The following NUDT21 variants were observed in gnomAD, a reference collection of about 807,000 sequenced individuals.
The protein encoded by NUDT21 is cleavage and polyadenylation specificity factor subunit 5.
A neutral mutation model predicts 29.8 loss-of-function variants in NUDT21; 5 were observed. The ratio of observed to expected loss-of-function variants is 0.17; its 90% confidence interval spans 0.09 to 0.35. NUDT21 has a LOEUF of 0.35. Ranked by LOEUF, NUDT21 falls within the 10% of genes least tolerant of loss-of-function variation. NUDT21 has a pLI of 1.00. For synonymous variants in NUDT21, 113 were observed against 98.5 expected, an observed-to-expected ratio of 1.15 and a Z score of -0.87; for missense variants, 76 against 276.0, an observed-to-expected ratio of 0.28 and a Z score of 5.13.
chr16:56,431,534 A>G lies in NUDT21; in HGVS notation c.*1178T>C, dbSNP rs1430559531. 2 of 152,188 alleles carry G rather than the reference A, an allele frequency of 1.3e-5. No homozygotes were observed. The highest frequency in any genetic ancestry group is 2.9e-5 in the Non-Finnish European group (2 of 68,028). 9.4% of individuals were successfully genotyped at this position (152,188 alleles called of 1,614,324 possible). A position where few individuals can be genotyped will look rare whatever the true frequency, so the allele number is the denominator to read the frequency against. Reference sequence around the variant, plus strand: ...CTGGCACCATACTAATCAAAAGTTCATTTCTATTAAAAACCCTTTTTTCCT... The same window carrying G: ...CTGGCACCATACTAATCAAAAGTTCGTTTCTATTAAAAACCCTTTTTTCCT... On this transcript the variant is annotated 3_prime_UTR_variant, in exon 7 of 7. Coordinates refer to ENST00000300291, the MANE Select transcript of NUDT21 (RefSeq NM_007006.3).
At chr16:56,447,371 G>T (rs1352912051) in intron 2 of NUDT21, among the ~76,000 whole-genome samples, 1 of 152,146 alleles carries the variant, frequency 6.6e-6, no homozygotes, top group Non-Finnish European at 1.5e-5. Context: ...AATAGTTACG[G>T]ATCAAATGTT....
chr16:56,438,141 T>G (rs894817510), intron 4 of NUDT21, among the ~76,000 whole-genome samples: 5 of 152,200 alleles, frequency 3.3e-5, no homozygotes, highest in Non-Finnish European at 4.4e-5. Context: ...GTCCCTCCTA[T>G]AGCGTACCAG....
intron 1 of NUDT21, chr16:56,449,380 T>C (rs1962253083): frequency 6.6e-6 from 1 of 152,210 alleles, no homozygotes; most frequent in Non-Finnish European, 1.5e-5. Flanking sequence ...ATATCCAGTA[T>C]TGTGCACAGT....
intron 1 of NUDT21, among the ~76,000 whole-genome samples, 159 bp downstream of exon 1, chr16:56,450,928 A>T (rs1308132868): frequency 1.3e-5 from 2 of 152,206 alleles, no homozygotes; most frequent in African/African-American, 2.4e-5. Context: ...GGAGGATGAG[A>T]AAGGGGCCTG....
At chr16:56,448,529 C>T (rs1240924937) in intron 1 of NUDT21, among the ~76,000 whole-genome samples, 2 of 152,174 alleles carry the variant, frequency 1.3e-5, no homozygotes, top group African/African-American at 2.4e-5. Context: ...AGCAACTCTT[C>T]TACTTTCTCT....
intron 4 of NUDT21, among the ~76,000 whole-genome samples, chr16:56,437,689 G>C (rs1962118680): frequency 6.6e-6 from 1 of 152,038 alleles, no homozygotes; most frequent in Non-Finnish European, 1.5e-5. Flanking sequence ...GGTGTAAAAA[G>C]ATCAATAACA....
chr16:56,433,655 C>T lies in NUDT21; in HGVS notation c.662+676G>A, dbSNP rs550364336. ...TATAGTAAGTTTCAAAAAAGGAAAA[C>T]GAATATATTACACCAAGATATTCGA... On this transcript the variant is annotated intron_variant, in intron 6 of 6. Transcript: ENST00000300291. 9.2e-5 allele frequency among the ~76,000 whole-genome samples: 14 copies of T among 152,134 alleles called. 1 individual carries two copies. Among genetic ancestry groups the T allele is most frequent in the Non-Finnish European group, 2.1e-4 (14 of 68,022 alleles).
intron 1 of NUDT21, chr16:56,449,233 A>G (rs1962251010): frequency 6.6e-6 from 1 of 152,210 alleles, no homozygotes; most frequent in Admixed American, 6.5e-5. Flanking sequence ...GCTCCAATAT[A>G]TCAGTAAGGA....
chr16:56,446,742 CAAAT>C (rs1962223886), intron 2 of NUDT21, 53 bp from the exon 3 acceptor site: 1 of 1,054,902 alleles, frequency 9.5e-7, no homozygotes, highest in Non-Finnish European at 1.4e-6. Context: ...TTGGAGATAA[CAAAT>C]AACACAATAA....
chr16:56,444,375 G>A (rs1402373441), intron 3 of NUDT21, among the ~76,000 whole-genome samples: 2 of 152,062 alleles, frequency 1.3e-5, no homozygotes, highest in African/African-American at 4.8e-5. Context: ...CCTGAGGTCA[G>A]GAGTTCGAGA....
At chr16:56,442,188 A>C (rs1962167154) in intron 3 of NUDT21, among the ~76,000 whole-genome samples, 1 of 152,218 alleles carries the variant, frequency 6.6e-6, no homozygotes, top group Admixed American at 6.5e-5. Context: ...AGCCTAAGAC[A>C]CGTTTTTCTA....
intron 4 of NUDT21, among the ~76,000 whole-genome samples, chr16:56,436,359 G>T (rs1166139241): frequency 6.6e-6 from 1 of 152,194 alleles, no homozygotes; most frequent in Non-Finnish European, 1.5e-5. Context: ...CAGCCAAGTT[G>T]TGAAGCCAAG....
chr16:56,444,259 G>A (rs768371541), intron 3 of NUDT21, among the ~76,000 whole-genome samples: 14 of 152,028 alleles, frequency 9.2e-5, no homozygotes, highest in Non-Finnish European at 2.1e-4. Context: ...CCTCCAGCCT[G>A]AGGAACAGAG....
intron 3 of NUDT21, among the ~76,000 whole-genome samples, chr16:56,440,623 T>TAA (rs1315780041): frequency 2.0e-5 from 3 of 152,190 alleles, no homozygotes; most frequent in Admixed American, 1.3e-4. Context: ...ACTACAGAGG[T>TAA]AAAAGGGCCA....
Position 56,430,416 on chromosome 16 carries a change from G to A in NUDT21, c.*2296C>T, listed in dbSNP as rs1241766567. The A allele has an allele frequency of 2.0e-5, 3 of 152,104 alleles. No homozygotes were observed. The highest frequency in any genetic ancestry group is 7.2e-5 in the African/African-American group (3 of 41,414). The allele number at this position is 152,104 out of a possible 1,614,324, so 9.4% of individuals were successfully genotyped here. ...CTTGGATACTCAGGGAAAATAAGAT[G>A]ACATATATTGTAGTTTTAGAACGCA... On this transcript the variant is annotated 3_prime_UTR_variant, in exon 7 of 7. Coordinates refer to ENST00000300291, the MANE Select transcript of NUDT21 (RefSeq NM_007006.3).
rs1325855820 is a variant in NUDT21, at chr16:56,429,658, G to A, written c.*3054C>T. 4.6e-5 allele frequency: 7 copies of A among 152,194 alleles called. No individual in the cohort carries two copies. The highest frequency in any genetic ancestry group is 1.7e-4 in the African/African-American group (7 of 41,452). The allele number at this position is 152,194 out of a possible 1,614,324, so 9.4% of individuals were successfully genotyped here. On this transcript the variant is annotated 3_prime_UTR_variant, in exon 7 of 7. Coordinates refer to ENST00000300291, the MANE Select transcript of NUDT21 (RefSeq NM_007006.3). ...CCAAATAATCAGTGATGTATAACAA[G>A]TGAAGTAAGTATGGGAAAATCAAAT... is the stretch of plus-strand genomic sequence containing the variant.
At chr16:56,450,942 G>C (rs2143951360) in intron 1 of NUDT21, 145 bp downstream of exon 1, 1 of 646,128 alleles carries the variant, frequency 1.5e-6, no homozygotes, top group East Asian at 2.8e-5. Flanking sequence ...GGGCCTGAGA[G>C]AGGGAGGAAG....
intron 1 of NUDT21, among the ~76,000 whole-genome samples, chr16:56,448,655 C>T (rs1265725275): frequency 6.6e-6 from 1 of 152,180 alleles, no homozygotes; most frequent in East Asian, 1.9e-4. Context: ...AAACTCTCTT[C>T]CTTTACCAAT....
intron 6 of NUDT21, among the ~76,000 whole-genome samples, chr16:56,433,067 T>C (rs1962054450): frequency 6.6e-6 from 1 of 152,238 alleles, no homozygotes; most frequent in African/African-American, 2.4e-5. Flanking sequence ...TTCCTGCACT[T>C]GACAAGTAGG....
Sources: allele counts gnomAD v4.1 joint callset (sites outside exome capture counted in the v4.1 genomes callset), GRCh38; gene constraint gnomAD v4.1.1; transcripts MANE v1.5; gene names NCBI Gene and HGNC (gene_info 2026-07-23, HGNC 2026-07-21).